The following OXCT1 variants were observed in gnomAD, a reference collection of about 807,000 sequenced individuals.
The protein encoded by OXCT1 is succinyl-CoA:3-ketoacid coenzyme A transferase 1, mitochondrial.
In OXCT1, 27 loss-of-function variants were observed where a neutral mutation model predicts 69.6. That is an observed-to-expected ratio of 0.39 (90% CI 0.29 to 0.54). The LOEUF (loss-of-function observed/expected upper bound fraction) is 0.54. Ranked by LOEUF, OXCT1 falls within the 20% of genes least tolerant of loss-of-function variation. The pLI, the probability that OXCT1 is intolerant of heterozygous loss-of-function variation, is 0.72. For missense variants in OXCT1, 437 were observed against 650.2 expected, an observed-to-expected ratio of 0.67 and a Z score of 3.57; for synonymous variants, 202 against 217.8, an observed-to-expected ratio of 0.93 and a Z score of 0.64.
intron 7 of OXCT1, among the ~76,000 whole-genome samples, chr5:41,807,758 C>T (rs1746758620): frequency 6.6e-6 from 1 of 152,036 alleles, no homozygotes; most frequent in Admixed American, 6.6e-5. Context: ...TGAACTTTCA[C>T]AAATTGCAGT....
chr5:41,804,489 C>T (rs1386077939), intron 9 of OXCT1, among the ~76,000 whole-genome samples: 2 of 151,968 alleles, frequency 1.3e-5, no homozygotes, highest in Non-Finnish European at 2.9e-5. Context: ...TAAAGAACAC[C>T]TAAAATCAGT....
intron 13 of OXCT1, among the ~76,000 whole-genome samples, chr5:41,766,568 CAA>C (rs35725846): frequency 9.2e-5 from 11 of 119,986 alleles, no homozygotes; most frequent in African/African-American, 1.5e-4. Flanking sequence ...CATTGTACTC[CAA>C]AAAAAAAAAA....
chr5:41,833,168 C>T (rs892154121), intron 7 of OXCT1, among the ~76,000 whole-genome samples: 2 of 152,062 alleles, frequency 1.3e-5, no homozygotes, highest in Admixed American at 6.6e-5. Context: ...GAACACCAAG[C>T]AAATTTAACC....
At chr5:41,854,925 G>A (rs1052020149) in intron 3 of OXCT1, among the ~76,000 whole-genome samples, 2 of 152,096 alleles carry the variant, frequency 1.3e-5, no homozygotes, top group South Asian at 4.1e-4. Flanking sequence ...ATTCCATTCT[G>A]GGTCTATAAC....
chr5:41,834,513 A>G (rs990160486), intron 7 of OXCT1, among the ~76,000 whole-genome samples: 23 of 151,544 alleles, frequency 1.5e-4, no homozygotes, highest in African/African-American at 5.3e-4. Flanking sequence ...AACAAAACAG[A>G]ACAGGAGTAG....
chr5:41,842,384 G>T (rs189412877), intron 6 of OXCT1, among the ~76,000 whole-genome samples: 18 of 152,208 alleles, frequency 1.2e-4, no homozygotes, highest in African/African-American at 1.4e-4. Flanking sequence ...GCATGTAACT[G>T]GTCTTGGCAA....
At chr5:41,823,412 C>G (rs1424159505) in intron 7 of OXCT1, among the ~76,000 whole-genome samples, 1 of 152,158 alleles carries the variant, frequency 6.6e-6, no homozygotes, top group Non-Finnish European at 1.5e-5. Context: ...GAGTCTAACT[C>G]TCAAACTTGT....
chr5:41,844,534 G>C (rs1021241872), intron 5 of OXCT1, among the ~76,000 whole-genome samples: 3 of 151,336 alleles, frequency 2.0e-5, no homozygotes, highest in African/African-American at 7.3e-5. Context: ...ATGTCAACGA[G>C]GTGCTCTGCA....
chr5:41,781,145 T>C (rs1422628209), intron 13 of OXCT1, among the ~76,000 whole-genome samples: 1 of 152,058 alleles, frequency 6.6e-6, no homozygotes, highest in Admixed American at 6.6e-5. Flanking sequence ...CCTCGTGATC[T>C]GCCCATCTCG....
At chr5:41,767,722 GTATATATATATA>G (rs367584226) in intron 13 of OXCT1, among the ~76,000 whole-genome samples, 4 of 89,956 alleles carry the variant, frequency 4.4e-5, no homozygotes, top group East Asian at 2.9e-4. Context: ...ATATGTGTGT[GTATATATATATA>G]TATATATATA....
At chr5:41,806,132 C>G (rs994754134) in intron 8 of OXCT1, among the ~76,000 whole-genome samples, 1 of 152,070 alleles carries the variant, frequency 6.6e-6, no homozygotes, top group African/African-American at 2.4e-5. Flanking sequence ...ATTTTTACCA[C>G]AAATGCACCA....
Position 41,762,132 on chromosome 5 carries a change from G to A in OXCT1, c.1317C>T (p.Val439=). Residue 439 remains valine (V), a synonymous_variant, in exon 14 of 17, where the codon GTC becomes GTT. Transcript: ENST00000196371. The surrounding 1 kb of genome is among the most constrained non-coding windows in gnomAD (Gnocchi z 4.0). ...LVSSAKTKVV[V]TMEHSAKGNA... ...TTACCTTTGCAGAATGCTCCATGGT[G>A]ACCACCACTTTGGTTTTCGCACTGG... The A allele has an allele frequency of 1.2e-6, 2 of 1,612,236 alleles. No homozygotes were observed. The highest frequency in any genetic ancestry group is 3.3e-4 in the Middle Eastern group (2 of 6,050).
chr5:41,835,005 G>T (rs1426158128), intron 7 of OXCT1, among the ~76,000 whole-genome samples: 2 of 143,354 alleles, frequency 1.4e-5, no homozygotes, highest in African/African-American at 5.2e-5. Flanking sequence ...TTGAAATGAA[G>T]AAAATACAAA....
rs761428901 is a variant in OXCT1, at chr5:41,853,591, C to A, written c.279-37G>T. The A allele has an allele frequency of 6.3e-5, 101 of 1,606,448 alleles. No individual in the cohort carries two copies. In the South Asian group the frequency reaches 1.0e-3, roughly 16 times the overall value. On this transcript the variant is annotated intron_variant, in intron 3 of 16. Transcript: ENST00000196371. ...ATGAAGGGAGCTTACCAAAGAGCAT[C>A]TGACAGAACACTATTACATCTTTTT...
chr5:41,773,860 T>C (rs978304070), intron 13 of OXCT1, among the ~76,000 whole-genome samples: 2 of 152,148 alleles, frequency 1.3e-5, no homozygotes, highest in Non-Finnish European at 2.9e-5. Context: ...ATGTTAAATG[T>C]GTGAAAAAAC....
intron 13 of OXCT1, among the ~76,000 whole-genome samples, chr5:41,778,918 T>C (rs1467980396): frequency 2.0e-5 from 3 of 152,336 alleles, no homozygotes; most frequent in Admixed American, 6.5e-5. Context: ...TTAGATTTTA[T>C]GTGTTTTGCA....
chr5:41,851,987 GC>G (rs1160733557), intron 4 of OXCT1, among the ~76,000 whole-genome samples: 5 of 152,094 alleles, frequency 3.3e-5, no homozygotes, highest in African/African-American at 1.2e-4. Flanking sequence ...AAAAGGTTGG[GC>G]CCTGATCTGG....
intron 8 of OXCT1, among the ~76,000 whole-genome samples, chr5:41,806,509 T>C (rs1412256389): frequency 6.6e-6 from 1 of 152,100 alleles, no homozygotes; most frequent in Non-Finnish European, 1.5e-5. Context: ...TGTTGGATCA[T>C]GGATGCAGAT....
chr5:41,840,673 A>C (rs1169468479), intron 6 of OXCT1, among the ~76,000 whole-genome samples, 162 bp from the exon 7 acceptor site: 1 of 152,244 alleles, frequency 6.6e-6, no homozygotes, highest in African/African-American at 2.4e-5. Flanking sequence ...TTTCATAAAT[A>C]TCTCATAAAT....
Sources: gnomAD v4.1 joint callset for allele counts (sites outside exome capture counted in the v4.1 genomes callset) on GRCh38, gnomAD v4.1.1 for gene constraint, Gnocchi (gnomAD v3.1) non-coding constraint, MANE v1.5 for transcripts, NCBI Gene and HGNC (gene_info 2026-07-23, HGNC 2026-07-21) for gene names.